Variants in GCGR observed in about 807,000 individuals in gnomAD.
GCGR encodes glucagon receptor.
A neutral mutation model predicts 56.1 loss-of-function variants in GCGR; 41 were observed. The ratio of observed to expected loss-of-function variants is 0.73; its 90% CI spans 0.57 to 0.95. The LOEUF (loss-of-function observed/expected upper bound fraction) is 0.95. Ranked by LOEUF, GCGR falls within the 40% of genes least tolerant of loss-of-function variation. The pLI, the probability that GCGR is intolerant of heterozygous loss-of-function variation, is 0.00. For synonymous variants in GCGR, 278 were observed against 271.1 expected, an observed-to-expected ratio of 1.03 and a Z score of -0.25; for missense variants, 595 against 638.2, an observed-to-expected ratio of 0.93 and a Z score of 0.73.
At chr17:81,807,803 C>A (rs2037993544) in intron 1 of GCGR, among the ~76,000 whole-genome samples, 1 of 152,236 alleles carries the variant, frequency 6.6e-6, no homozygotes, top group Non-Finnish European at 1.5e-5. Flanking sequence ...AAACTGGGCT[C>A]TGTAGCAACG....
intron 1 of GCGR, among the ~76,000 whole-genome samples, chr17:81,808,112 G>A (rs2037999211): frequency 6.6e-6 from 1 of 152,262 alleles, no homozygotes; most frequent in Admixed American, 6.5e-5. Context: ...GCACACATGT[G>A]ACACAGACCC....
At position 81,810,192 on chromosome 17, in the gene GCGR, T is replaced by C. The variant is rs1479778192; in HGVS notation, c.163+308T>C. 1 of 465,146 alleles carries C rather than the reference T, an allele frequency of 2.1e-6. No homozygotes were observed. The highest frequency in any genetic ancestry group is 4.0e-6 in the Non-Finnish European group (1 of 250,076). 28.8% of individuals were successfully genotyped at this position (465,146 alleles called of 1,614,324 possible). A position where few individuals can be genotyped will look rare whatever the true frequency, so the allele number is the denominator to read the frequency against. Reference sequence around the variant, plus strand: ...ACCTACAGCCCCGTGGAGTTTTCAGTGGGCAGACAGTGCCAGGGCGTGGAA... The same window carrying C: ...ACCTACAGCCCCGTGGAGTTTTCAGCGGGCAGACAGTGCCAGGGCGTGGAA... On this transcript the variant is annotated intron_variant, in intron 3 of 13. Coordinates refer to ENST00000400723, the MANE Select transcript of GCGR (RefSeq NM_000160.5). This position sits in a 1 kb window ranked among gnomAD's most constrained non-coding sequence, Gnocchi z 4.6.
rs1302468228 is a variant in GCGR, at chr17:81,810,953, C to A, written c.271+21C>A. The A allele has an allele frequency of 7.7e-7, 1 of 1,304,246 alleles. No homozygotes were observed. The highest frequency in any genetic ancestry group is 3.2e-5 in the East Asian group (1 of 31,166). 80.8% of individuals were successfully genotyped at this position (1,304,246 alleles called of 1,614,324 possible). ...CAAAGGTACCCATAGAGGGGAGGAA[C>A]TGTGGGGGGGGCGGGCCCAGGGTGG... is the stretch of plus-strand genomic sequence containing the variant. On this transcript the variant is annotated intron_variant, in intron 4 of 13. Coordinates refer to ENST00000400723, the MANE Select transcript of GCGR (RefSeq NM_000160.5). The surrounding 1 kb of genome is among the most constrained non-coding windows in gnomAD (Gnocchi z 4.6).
rs1218451512 is a variant in GCGR, at chr17:81,811,921, G to A, written c.853G>A (p.Val285Ile). Residue 285 changes from valine to isoleucine, a missense_variant, in exon 9 of 14, where the codon GTC becomes ATC. By Grantham distance (29) the Val-to-Ile change is conservative. Transcript: ENST00000400723. This position sits in a 1 kb window ranked among gnomAD's most constrained non-coding sequence, Gnocchi z 5.8. ...PMLFVVPWAV[V>I]KCLFENVQCW... Reference sequence around the variant, plus strand: ...GCTGTTCGTCGTCCCCTGGGCAGTGGTCAAGTGTCTGTTCGAGAACGTCCA... The same window carrying A: ...GCTGTTCGTCGTCCCCTGGGCAGTGATCAAGTGTCTGTTCGAGAACGTCCA... 2.6e-6 allele frequency: 4 copies of A among 1,537,112 alleles called. No individual in the cohort carries two copies. Among genetic ancestry groups the A allele is most frequent in the East Asian group, 2.4e-5 (1 of 40,914 alleles).
At position 81,813,495 on chromosome 17, in the gene GCGR, C is replaced by T; in HGVS notation, c.1240C>T (p.Arg414Cys). 2.0e-6 allele frequency: 3 copies of T among 1,535,318 alleles called. No homozygotes were observed. The highest frequency in any genetic ancestry group is 2.6e-6 in the Non-Finnish European group (3 of 1,146,728). Reference protein sequence around the residue: ...NKEVQSELRRRWHRWRLGKVL... With the variant: ...NKEVQSELRRCWHRWRLGKVL... ...CCAGGTGCAGTCGGAGCTGCGGCGGCGTTGGCACCGCTGGCGCCTGGGCAA... is the reference window on the plus strand; with the variant it reads ...CCAGGTGCAGTCGGAGCTGCGGCGGTGTTGGCACCGCTGGCGCCTGGGCAA... Residue 414 changes from arginine to cysteine, a missense_variant, in exon 14 of 14, where the codon CGT becomes TGT. Arg to Cys is a radical substitution (Grantham distance 180). Coordinates refer to ENST00000400723, the MANE Select transcript of GCGR (RefSeq NM_000160.5). The surrounding 1 kb of genome is among the most constrained non-coding windows in gnomAD (Gnocchi z 5.3).
chr17:81,812,770 G>A lies in GCGR; in HGVS notation c.1038-37G>A. ...TCCACGTGGATGGTGCGGGCCGAGG[G>A]TGGGGGCGGTGGGTGACTCAGGCGC... On this transcript the variant is annotated intron_variant, in intron 11 of 13. Transcript: ENST00000400723. This position sits in a 1 kb window ranked among gnomAD's most constrained non-coding sequence, Gnocchi z 8.5. 6.5e-7 allele frequency: 1 copy of A among 1,534,960 alleles called. No homozygotes were observed. Among genetic ancestry groups the A allele is most frequent in the South Asian group, 1.2e-5 (1 of 84,008 alleles).
rs762571273 is a variant in GCGR, at chr17:81,811,565, GC to G, written c.657+11del. On this transcript the variant is annotated splice_donor_region_variant and intron_variant, in intron 7 of 13. Transcript: ENST00000400723. This position sits in a 1 kb window ranked among gnomAD's most constrained non-coding sequence, Gnocchi z 5.8. ...AGCACCTGGCTCAGTGATGGAGTGA[GC>G]CCCCCTCGGCGGCCCCAGGCAGGTG... 5.2e-6 allele frequency: 8 copies of G among 1,536,300 alleles called. No individual in the cohort carries two copies. The highest frequency in any genetic ancestry group is 2.4e-5 in the South Asian group (2 of 84,066).
chr17:81,805,567 C>T (rs558125557), intron 1 of GCGR, among the ~76,000 whole-genome samples: 3 of 146,462 alleles, frequency 2.0e-5, no homozygotes, highest in African/African-American at 8.0e-5. Context: ...ACCTCGGGAA[C>T]CCCCCACATT....
At chr17:81,809,577 G>C (rs1203665838) in intron 2 of GCGR, among the ~76,000 whole-genome samples, 1 of 149,732 alleles carries the variant, frequency 6.7e-6, no homozygotes, top group Non-Finnish European at 1.5e-5. Context: ...CTGCCTGTCT[G>C]TCCGTCTGTC....
intron 2 of GCGR, among the ~76,000 whole-genome samples, chr17:81,809,459 CT>C (rs2143117631): frequency 1.4e-5 from 2 of 146,756 alleles, no homozygotes; most frequent in African/African-American, 5.3e-5. Context: ...GCCTGCCTGT[CT>C]GTCTGCCTGC....
In GCGR at chr17:81,806,986, C is replaced by T. The variant is rs1402077662; in HGVS notation, c.-177-1856C>T. On this transcript the variant is annotated intron_variant, in intron 1 of 13. Coordinates refer to ENST00000400723, the MANE Select transcript of GCGR (RefSeq NM_000160.5). This position sits in a 1 kb window ranked among gnomAD's most constrained non-coding sequence, Gnocchi z 6.5. ...CCTAGCAGTGCCCCTCGTCCAGGGC[C>T]CCTCTGGGTTGGGGGTGCACACAGT... Among the ~76,000 whole-genome samples, 1 of 152,182 alleles carries T rather than the reference C, an allele frequency of 6.6e-6. No individual in the cohort carries two copies. The highest frequency in any genetic ancestry group is 1.5e-5 in the Non-Finnish European group (1 of 68,020).
chr17:81,804,632 C>T lies in GCGR; in HGVS notation c.-178+383C>T, dbSNP rs2037911204. Among the ~76,000 whole-genome samples the T allele has an allele frequency of 6.6e-6, 1 of 152,018 alleles. No homozygotes were observed. Among genetic ancestry groups the T allele is most frequent in the African/African-American group, 2.4e-5 (1 of 41,396 alleles). On this transcript the variant is annotated intron_variant, in intron 1 of 13. Coordinates refer to ENST00000400723, the MANE Select transcript of GCGR (RefSeq NM_000160.5). The surrounding 1 kb of genome is among the most constrained non-coding windows in gnomAD (Gnocchi z 8.2). Reference sequence around the variant, plus strand: ...TGGGGAGCGCACAAAGCGCCGCGGACGCGTCCCCGAGGCGCGGGGTCTCAC... The same window carrying T: ...TGGGGAGCGCACAAAGCGCCGCGGATGCGTCCCCGAGGCGCGGGGTCTCAC...
rs935805953 is a variant in GCGR, at chr17:81,813,311, G to A, written c.1219-163G>A. Among the ~76,000 whole-genome samples, 5 of 152,154 alleles carry A rather than the reference G, an allele frequency of 3.3e-5. No individual in the cohort carries two copies. Among genetic ancestry groups the A allele is most frequent in the Admixed American group, 6.5e-5 (1 of 15,286 alleles). On this transcript the variant is annotated intron_variant, in intron 13 of 13. Transcript: ENST00000400723. This position sits in a 1 kb window ranked among gnomAD's most constrained non-coding sequence, Gnocchi z 5.3. ...CCCAGGTGTCTGCAGACTGCTTTCCGTGGCGATGCTGGGTGGCATAGCTGT... is the reference window on the plus strand; with the variant it reads ...CCCAGGTGTCTGCAGACTGCTTTCCATGGCGATGCTGGGTGGCATAGCTGT...
In GCGR at chr17:81,808,932, C is replaced by G; in HGVS notation, c.-87C>G. ...TGCTGCTCTGCCACTCAGCTGCCCT[C>G]GGAGGAGCGTACACACCCACCAGGA... On this transcript the variant is annotated 5_prime_UTR_variant, in exon 2 of 14. Coordinates refer to ENST00000400723, the MANE Select transcript of GCGR (RefSeq NM_000160.5). The G allele has an allele frequency of 3.4e-6, 5 of 1,483,226 alleles. No homozygotes were observed. In the South Asian group the frequency reaches 6.0e-5, roughly 18 times the overall value. 91.9% of individuals were successfully genotyped at this position (1,483,226 alleles called of 1,614,324 possible).
intron 1 of GCGR, among the ~76,000 whole-genome samples, chr17:81,808,237 C>T (rs370862752): frequency 1.2e-4 from 18 of 152,366 alleles, no homozygotes; most frequent in African/African-American, 4.3e-4. Flanking sequence ...CACCCTCACG[C>T]TTGGCACATT....
chr17:81,811,609 G>A lies in GCGR; in HGVS notation c.658-42G>A, dbSNP rs769975124. The A allele has an allele frequency of 7.5e-4, 1,149 of 1,535,866 alleles. 18 individuals carry two copies. Among genetic ancestry groups the A allele is most frequent in the Non-Finnish European group, 1.5e-4 (167 of 1,146,810 alleles). ...GGCAGGTGGGTGGGTGGGCAGCCAG[G>A]CAGGTGGCCACGTAGCCGCGCTCAC... On this transcript the variant is annotated intron_variant, in intron 7 of 13. Transcript: ENST00000400723. The surrounding 1 kb of genome is among the most constrained non-coding windows in gnomAD (Gnocchi z 5.8).
In GCGR at chr17:81,804,785, C is replaced by T. The variant is rs572387611; in HGVS notation, c.-178+536C>T. Among the ~76,000 whole-genome samples the T allele has an allele frequency of 6.6e-6, 1 of 152,304 alleles. No homozygotes were observed. Among genetic ancestry groups the T allele is most frequent in the Non-Finnish European group, 1.5e-5 (1 of 68,010 alleles). On this transcript the variant is annotated intron_variant, in intron 1 of 13. Transcript: ENST00000400723. This position sits in a 1 kb window ranked among gnomAD's most constrained non-coding sequence, Gnocchi z 8.2. ...CCTCTTCCGCGGCCCACACTGGCGA[C>T]TTTGACCCCGGCAAGCGGGTCACTG...
chr17:81,807,416 G>A (rs1449644099), intron 1 of GCGR, among the ~76,000 whole-genome samples: 2 of 152,320 alleles, frequency 1.3e-5, no homozygotes, highest in South Asian at 2.1e-4. Flanking sequence ...GGCATCTCAG[G>A]CCCCGTTAGC....
At chr17:81,807,994 T>C (rs568910812) in intron 1 of GCGR, among the ~76,000 whole-genome samples, 1 of 151,822 alleles carries the variant, frequency 6.6e-6, no homozygotes, top group Non-Finnish European at 1.5e-5. Context: ...AGTGCTAACC[T>C]CAAAGGACTG....
Sources: gnomAD v4.1 joint callset for allele counts (sites outside exome capture counted in the v4.1 genomes callset) on GRCh38, gnomAD v4.1.1 for gene constraint, Gnocchi (gnomAD v3.1) non-coding constraint, MANE v1.5 for transcripts, NCBI Gene and HGNC (gene_info 2026-07-23, HGNC 2026-07-21) for gene names.